The following ERMAP variants were observed in gnomAD, a reference collection of about 807,000 sequenced individuals.
ERMAP encodes erythroid membrane-associated protein.
Under a neutral mutation model 49.5 loss-of-function variants are expected in ERMAP, and 34 were observed. The observed-to-expected ratio is 0.69, with a 90% CI of 0.52 to 0.91. The LOEUF (loss-of-function observed/expected upper bound fraction) is 0.91. Ranked by LOEUF, ERMAP falls within the 40% of genes least tolerant of loss-of-function variation. The pLI, the probability that ERMAP is intolerant of heterozygous loss-of-function variation, is 0.00. For synonymous variants in ERMAP, 214 were observed against 232.2 expected, an observed-to-expected ratio of 0.92 and a Z score of 0.71; for missense variants, 541 against 582.6, an observed-to-expected ratio of 0.93 and a Z score of 0.74.
At chr1:42,835,349 GGC>G (rs1654864074) in intron 5 of ERMAP, among the ~76,000 whole-genome samples, 195 bp downstream of exon 5, 2 of 92,856 alleles carry the variant, frequency 2.2e-5, no homozygotes, top group South Asian at 2.9e-4. Context: ...ACTGCAGAAA[GGC>G]CCCTGGGCAG....
chr1:42,837,219 G>C, intron 7 of ERMAP, 29 bp downstream of exon 7: 1 of 1,603,574 alleles, frequency 6.2e-7, no homozygotes, highest in South Asian at 1.1e-5. Context: ...AAGGGGTAGG[G>C]AACAAAAAAC....
chr1:42,817,891 T>C (rs1654290445), intron 1 of ERMAP: 1 of 152,250 alleles, frequency 6.6e-6, no homozygotes, highest in Non-Finnish European at 1.5e-5. Flanking sequence ...CAGGCACTGT[T>C]CTTACAGCTT....
chr1:42,832,821 CAAGTTCCATT>C (rs1180899610), intron 4 of ERMAP, among the ~76,000 whole-genome samples: 3 of 152,196 alleles, frequency 2.0e-5, no homozygotes, highest in Non-Finnish European at 4.4e-5. Flanking sequence ...GGAGAGAGGA[CAAGTTCCATT>C]AACAGCTGCC....
chr1:42,827,469 A>C (rs2124300153), intron 2 of ERMAP, among the ~76,000 whole-genome samples: 1 of 152,352 alleles, frequency 6.6e-6, no homozygotes, highest in East Asian at 1.9e-4. Context: ...CACTGTGCCC[A>C]GTCATGGTTT....
At chr1:42,818,677 C>T (rs1654316986) in intron 1 of ERMAP, among the ~76,000 whole-genome samples, 1 of 152,042 alleles carries the variant, frequency 6.6e-6, no homozygotes, top group South Asian at 2.1e-4. Context: ...CACTGTGTTT[C>T]CCAGGGTGAT....
chr1:42,820,968 C>A lies in ERMAP; in HGVS notation c.-122+3715C>A, dbSNP rs147811321. On this transcript the variant is annotated intron_variant, in intron 1 of 11. Coordinates refer to ENST00000372517, the MANE Select transcript of ERMAP (RefSeq NM_001017922.2). ...AGAGCCAGGCCCTGGTCCCTCCCATCCCAAGCCTGGAAGGTTCTCAGTTGA... is the reference window on the plus strand; with the variant it reads ...AGAGCCAGGCCCTGGTCCCTCCCATACCAAGCCTGGAAGGTTCTCAGTTGA... Among the ~76,000 whole-genome samples, 6 of 152,320 alleles carry A rather than the reference C, an allele frequency of 3.9e-5. No homozygotes were observed. In the East Asian group the frequency reaches 1.2e-3, roughly 29 times the overall value.
intron 2 of ERMAP, 39 bp downstream of exon 2, chr1:42,825,777 T>A (rs1484033257): frequency 7.8e-7 from 1 of 1,288,644 alleles, no homozygotes; most frequent in Non-Finnish European, 1.0e-6. Flanking sequence ...TTTAGTCCTT[T>A]AACTTTCTCA....
chr1:42,826,890 G>A (rs958974001), intron 2 of ERMAP, among the ~76,000 whole-genome samples: 1 of 151,040 alleles, frequency 6.6e-6, no homozygotes, highest in African/African-American at 2.4e-5. Flanking sequence ...TCACAGAGCA[G>A]TAAGGGACCA....
intron 4 of ERMAP, among the ~76,000 whole-genome samples, chr1:42,831,444 G>A (rs1350365959): frequency 6.6e-6 from 1 of 152,124 alleles, no homozygotes; most frequent in African/African-American, 2.4e-5. Context: ...TCATTACATG[G>A]CTGTAAAGAA....
Position 42,830,964 on chromosome 1 carries a change from T to C in ERMAP, c.282T>C (p.Tyr94=). ...KDQDEDLMPE[Y]KGRTVLVRDA... is the part of the protein sequence containing the mutation. ...AGGATGAAGATCTGATGCCGGAATA[T>C]AAGGGGAGGACGGTGCTAGTGAGAG... The change falls in exon 4 of 12, where the codon TAT becomes TAC. Residue 94 remains tyrosine (Y), a synonymous_variant. Coordinates refer to ENST00000372517, the MANE Select transcript of ERMAP (RefSeq NM_001017922.2). The C allele has an allele frequency of 5.0e-6, 8 of 1,614,134 alleles. No homozygotes were observed. Among genetic ancestry groups the C allele is most frequent in the Non-Finnish European group, 6.8e-6 (8 of 1,180,018 alleles).
chr1:42,819,328 T>TA lies in ERMAP; in HGVS notation c.-122+2076dup, dbSNP rs1488353856. Reference sequence around the variant, plus strand: ...TTTCAGAAAAGAACGGAACTGGAGATACCAGTTTGGGATTCTACATTCTTT... The same window carrying TA: ...TTTCAGAAAAGAACGGAACTGGAGATAACCAGTTTGGGATTCTACATTCTTT... On this transcript the variant is annotated intron_variant, in intron 1 of 11. Transcript: ENST00000372517. The surrounding 1 kb of genome is among the most constrained non-coding windows in gnomAD (Gnocchi z 5.1). 6.6e-6 allele frequency among the ~76,000 whole-genome samples: 1 copy of TA among 152,132 alleles called. No individual in the cohort carries two copies. The highest frequency in any genetic ancestry group is 1.5e-5 in the Non-Finnish European group (1 of 68,026).
At chr1:42,836,843 TA>T (rs1275951195) in intron 6 of ERMAP, 3 of 222,518 alleles carry the variant, frequency 1.3e-5, no homozygotes, top group Admixed American at 5.7e-5. Context: ...GGCAGATTTT[TA>T]AAAAAAATCT....
intron 8 of ERMAP, 83 bp from the exon 9 acceptor site, chr1:42,839,950 G>A: frequency 7.3e-7 from 1 of 1,366,566 alleles, no homozygotes; most frequent in Non-Finnish European, 1.0e-6. Flanking sequence ...TCTGCTCATG[G>A]TTGGGATGGG....
chr1:42,834,878 G>T, intron 4 of ERMAP, 160 bp from the exon 5 acceptor site: 1 of 641,506 alleles, frequency 1.6e-6, no homozygotes. Context: ...ATGCTATCCA[G>T]GGCTTGAGTT....
At chr1:42,830,184 G>A (rs1654674744) in intron 2 of ERMAP, 1 of 502,072 alleles carries the variant, frequency 2.0e-6, no homozygotes, top group Non-Finnish European at 3.6e-6. Context: ...CTCTGTGTGA[G>A]CATTTACCTC....
intron 4 of ERMAP, among the ~76,000 whole-genome samples, chr1:42,832,179 ATTTTTTTTTTTTTTTT>A (rs75673269): frequency 2.1e-5 from 2 of 96,708 alleles, no homozygotes; most frequent in Admixed American, 2.3e-4. Context: ...GTGAAAATTA[ATTTTTTTTTTTTTTTT>A]TTTTTTTTTT....
At chr1:42,820,566 G>A (rs1055025628) in intron 1 of ERMAP, among the ~76,000 whole-genome samples, 2 of 151,414 alleles carry the variant, frequency 1.3e-5, no homozygotes, top group East Asian at 1.9e-4. Flanking sequence ...TCCATTTCCT[G>A]GTTTTGTTTA....
chr1:42,829,365 T>C (rs1320673482), intron 2 of ERMAP, among the ~76,000 whole-genome samples: 1 of 152,236 alleles, frequency 6.6e-6, no homozygotes, highest in Non-Finnish European at 1.5e-5. Flanking sequence ...ACCTTTTCCA[T>C]GACCTTCAGG....
intron 2 of ERMAP, among the ~76,000 whole-genome samples, chr1:42,826,443 T>C (rs978022090): frequency 6.6e-6 from 1 of 152,172 alleles, no homozygotes; most frequent in Non-Finnish European, 1.5e-5. Context: ...AGAAATTTCA[T>C]AGGATACTTT....
Sources: allele counts gnomAD v4.1 joint callset (sites outside exome capture counted in the v4.1 genomes callset), GRCh38; gene constraint gnomAD v4.1.1; non-coding constraint Gnocchi (gnomAD v3.1); transcripts MANE v1.5; gene names NCBI Gene and HGNC (gene_info 2026-07-23, HGNC 2026-07-21).